Variants in DLG2 observed in about 807,000 individuals in gnomAD.
The protein encoded by DLG2 is disks large homolog 2.
DLG2 carries 45 observed loss-of-function variants against 132.5 expected under a neutral mutation model. The ratio of observed to expected loss-of-function variants is 0.34; its 90% confidence interval spans 0.27 to 0.44. DLG2 has a LOEUF of 0.44. DLG2 is among the 20% of genes least tolerant of loss of function. The probability of loss-of-function intolerance (pLI) is 1.00; values close to 1 mark genes in which losing one functional copy is unlikely to be tolerated. For missense variants in DLG2, 1,045 were observed against 1,196.9 expected, an observed-to-expected ratio of 0.87 and a Z score of 1.87; for synonymous variants, 424 against 419.6, an observed-to-expected ratio of 1.01 and a Z score of -0.13.
intron 6 of DLG2, among the ~76,000 whole-genome samples, chr11:84,573,332 C>T (rs11234081): frequency 6.6e-6 from 1 of 151,916 alleles, no homozygotes; most frequent in African/African-American, 2.4e-5. Context: ...CAAAATTAAA[C>T]TAAAAAGTGA....
At chr11:85,253,843 A>G (rs1293127217) in intron 4 of DLG2, among the ~76,000 whole-genome samples, 1 of 152,064 alleles carries the variant, frequency 6.6e-6, no homozygotes, top group African/African-American at 2.4e-5. Context: ...AAGGGGACAG[A>G]GCAGGAAGGC....
chr11:84,910,438 T>G (rs552532073), intron 6 of DLG2, among the ~76,000 whole-genome samples: 6 of 151,788 alleles, frequency 4.0e-5, no homozygotes, highest in Non-Finnish European at 8.8e-5. Context: ...GACAGAATGA[T>G]TTTTTTTACT....
intron 6 of DLG2, among the ~76,000 whole-genome samples, chr11:84,976,292 T>C (rs2054893966): frequency 6.6e-6 from 1 of 152,150 alleles, no homozygotes; most frequent in African/African-American, 2.4e-5. Context: ...AAAGAGATAG[T>C]AAAGTTATTT....
chr11:85,324,974 C>A (rs2081350047), intron 3 of DLG2, among the ~76,000 whole-genome samples: 1 of 146,720 alleles, frequency 6.8e-6, no homozygotes, highest in African/African-American at 2.6e-5. Context: ...CGCAAGGGGT[C>A]AGGGAGTTCC....
intron 3 of DLG2, among the ~76,000 whole-genome samples, chr11:85,369,090 A>C (rs1408573626): frequency 2.0e-5 from 3 of 152,050 alleles, no homozygotes. Context: ...GCTCCTAAGC[A>C]TTTTCATCCT....
At chr11:84,738,199 A>T (rs2064118038) in intron 6 of DLG2, among the ~76,000 whole-genome samples, 1 of 152,104 alleles carries the variant, frequency 6.6e-6, no homozygotes, top group Non-Finnish European at 1.5e-5. Flanking sequence ...GCAGAACTCC[A>T]GTATGTAACA....
chr11:85,052,690 C>A (rs1480809001), intron 6 of DLG2, among the ~76,000 whole-genome samples: 1 of 152,154 alleles, frequency 6.6e-6, no homozygotes, highest in African/African-American at 2.4e-5. Context: ...ATCTTTGTAT[C>A]TTTACCTTGT....
intron 8 of DLG2, among the ~76,000 whole-genome samples, chr11:84,210,532 A>AG (rs2096739816): frequency 3.1e-5 from 1 of 32,252 alleles, no homozygotes; most frequent in Non-Finnish European, 8.2e-5. Context: ...AACTTAAATT[A>AG]AAAAAAAAAA....
chr11:83,519,872 T>C (rs2095419461), intron 21 of DLG2, among the ~76,000 whole-genome samples: 1 of 152,184 alleles, frequency 6.6e-6, no homozygotes, highest in African/African-American at 2.4e-5. Flanking sequence ...TGACTGTCAT[T>C]TGGGCTTAGA....
chr11:84,785,967 T>C (rs1197462747), intron 6 of DLG2, among the ~76,000 whole-genome samples: 1 of 152,164 alleles, frequency 6.6e-6, no homozygotes, highest in East Asian at 1.9e-4. Flanking sequence ...TCATTTTTTT[T>C]CCCAAGAAGA....
intron 18 of DLG2, among the ~76,000 whole-genome samples, chr11:83,769,801 G>A (rs573125716): frequency 8.6e-5 from 13 of 151,990 alleles, no homozygotes; most frequent in South Asian, 2.1e-4. Context: ...CTGACCTCAG[G>A]TGATTCTCCC....
In DLG2 at chr11:83,522,815, CT is replaced by C. The variant is rs1179721986; in HGVS notation, c.2193+9892del. ...AGTCTAATTTTAGAGCCCCCCCCCC[CT>C]TTTTTTTTTAATCAAAATGCAAGGT... On this transcript the variant is annotated intron_variant, in intron 21 of 27. Coordinates refer to ENST00000376104, the MANE Select transcript of DLG2 (RefSeq NM_001142699.3). Among the ~76,000 whole-genome samples the C allele has an allele frequency of 2.1e-3, 160 of 74,430 alleles. 1 individual carries two copies. The highest frequency in any genetic ancestry group is 0.016 in the South Asian group (36 of 2,252). The allele number at this position is 74,430 out of a possible 152,430, so 48.8% of individuals were successfully genotyped here. A position where few individuals can be genotyped will look rare whatever the true frequency, so the allele number is the denominator to read the frequency against.
chr11:84,738,135 C>T (rs2064109622), intron 6 of DLG2, among the ~76,000 whole-genome samples: 1 of 152,012 alleles, frequency 6.6e-6, no homozygotes. Flanking sequence ...AAATAGGTAT[C>T]ATCCATCCTG....
chr11:85,253,163 C>T (rs2076482847), intron 4 of DLG2, among the ~76,000 whole-genome samples: 1 of 152,130 alleles, frequency 6.6e-6, no homozygotes, highest in Admixed American at 6.5e-5. Context: ...ACATTTTCTA[C>T]ACAAGGATCT....
intron 16 of DLG2, among the ~76,000 whole-genome samples, chr11:83,842,390 T>G (rs1368669202): frequency 6.6e-6 from 1 of 151,704 alleles, no homozygotes; most frequent in Non-Finnish European, 1.5e-5. Flanking sequence ...GGTCAAGAGA[T>G]TGAGACCATT....
At chr11:84,007,513 C>A (rs768374382) in intron 11 of DLG2, among the ~76,000 whole-genome samples, 23 of 151,652 alleles carry the variant, frequency 1.5e-4, no homozygotes, top group Non-Finnish European at 3.4e-4. Context: ...TACCTTTTGT[C>A]TTTATTTAAT....
At chr11:83,713,755 C>T (rs1030482936) in intron 18 of DLG2, among the ~76,000 whole-genome samples, 4 of 152,224 alleles carry the variant, frequency 2.6e-5, no homozygotes, top group Non-Finnish European at 5.9e-5. Context: ...CACTACTGCA[C>T]TGTGGCAATT....
chr11:84,599,725 A>G (rs1482626663), intron 6 of DLG2, among the ~76,000 whole-genome samples: 1 of 152,102 alleles, frequency 6.6e-6, no homozygotes, highest in East Asian at 1.9e-4. Context: ...TTATGTATAC[A>G]TTCCGTAATT....
intron 3 of DLG2, among the ~76,000 whole-genome samples, chr11:85,579,281 G>C (rs2078358673): frequency 6.6e-6 from 1 of 151,982 alleles, no homozygotes; most frequent in African/African-American, 2.4e-5. Context: ...TAACTAATGG[G>C]TACTAGGCTT....
Sources: allele counts gnomAD v4.1 joint callset (sites outside exome capture counted in the v4.1 genomes callset), GRCh38; gene constraint gnomAD v4.1.1; transcripts MANE v1.5; gene names NCBI Gene and HGNC (gene_info 2026-07-23, HGNC 2026-07-21).